Variants in WDR70 observed in about 807,000 individuals in gnomAD.
WDR70 encodes WD repeat domain 70, also known as WD repeat-containing protein 70.
In WDR70, 53 loss-of-function variants were observed where a neutral mutation model predicts 88.6. That is an observed-to-expected ratio of 0.60 (90% CI 0.48 to 0.75). WDR70 has a LOEUF of 0.75. Ranked by LOEUF, WDR70 falls within the 30% of genes least tolerant of loss-of-function variation. The pLI is 0.00. For synonymous variants in WDR70, 280 were observed against 270.0 expected, an observed-to-expected ratio of 1.04 and a Z score of -0.36; for missense variants, 610 against 823.2, an observed-to-expected ratio of 0.74 and a Z score of 3.17.
chr5:37,444,099 G>A (rs71619867), intron 7 of WDR70, among the ~76,000 whole-genome samples: 3 of 150,142 alleles, frequency 2.0e-5, no homozygotes, highest in East Asian at 4.0e-4. Context: ...CAGTGAGCCA[G>A]GATTGCGCCA....
Position 37,625,273 on chromosome 5 carries a change from A to G in WDR70, c.1092+20035A>G, listed in dbSNP as rs181617988. 4.6e-5 allele frequency among the ~76,000 whole-genome samples: 7 copies of G among 152,280 alleles called. No homozygotes were observed. The East Asian group carries it at 7.7e-4, about 17-fold the overall frequency. On this transcript the variant is annotated intron_variant, in intron 10 of 17. Coordinates refer to ENST00000265107, the MANE Select transcript of WDR70 (RefSeq NM_018034.4). ...TGAGGAACTGTTCTCCATAATGGCTATACAAATTTACGTTCCCACCAATAG... is the reference window on the plus strand; with the variant it reads ...TGAGGAACTGTTCTCCATAATGGCTGTACAAATTTACGTTCCCACCAATAG...
At chr5:37,623,838 T>G (rs1434747620) in intron 10 of WDR70, among the ~76,000 whole-genome samples, 2 of 152,184 alleles carry the variant, frequency 1.3e-5, no homozygotes, top group African/African-American at 2.4e-5. Flanking sequence ...CAATAAAGTA[T>G]ACATTTATTT....
At chr5:37,391,903 C>T in intron 3 of WDR70, 97 bp from the exon 4 acceptor site, 3 of 1,351,016 alleles carry the variant, frequency 2.2e-6, no homozygotes, top group Non-Finnish European at 3.0e-6. Context: ...TAAGTTATAT[C>T]TTTGTGACTA....
intron 9 of WDR70, among the ~76,000 whole-genome samples, chr5:37,592,147 G>A (rs1743547842): frequency 6.6e-6 from 1 of 152,132 alleles, no homozygotes. Context: ...TTGCATATAT[G>A]TAATGAGATG....
At chr5:37,465,658 G>GTT (rs59224939) in intron 7 of WDR70, among the ~76,000 whole-genome samples, 73 of 99,346 alleles carry the variant, frequency 7.3e-4, no homozygotes, top group African/African-American at 2.2e-3. Context: ...ATTGTCATGA[G>GTT]TTTTTTTTTT....
intron 8 of WDR70, among the ~76,000 whole-genome samples, chr5:37,491,269 A>T (rs1166466688): frequency 6.6e-6 from 1 of 152,024 alleles, no homozygotes; most frequent in Non-Finnish European, 1.5e-5. Flanking sequence ...GAATTCCAAC[A>T]TTCTCTCTTT....
chr5:37,752,056 C>T (rs1326256948), intron 17 of WDR70, among the ~76,000 whole-genome samples: 1 of 152,172 alleles, frequency 6.6e-6, no homozygotes, highest in Admixed American at 6.5e-5. Context: ...CATATTTACA[C>T]TACTGAAGCC....
At chr5:37,687,370 T>C (rs1475108763) in intron 10 of WDR70, among the ~76,000 whole-genome samples, 1 of 152,154 alleles carries the variant, frequency 6.6e-6, no homozygotes, top group East Asian at 1.9e-4. Context: ...ACAAAATGAA[T>C]TAATTTTGAG....
In WDR70 at chr5:37,437,918, T is replaced by G; in HGVS notation, c.493-4T>G. 10 of 1,605,356 alleles carry G rather than the reference T, an allele frequency of 6.2e-6. No homozygotes were observed. Among genetic ancestry groups the G allele is most frequent in the Non-Finnish European group, 8.5e-6 (10 of 1,175,508 alleles). Reference sequence around the variant, plus strand: ...ATTAATGTCATGGGGTTTTCTTGTTTCAGAATCCTGTTCACAAGATTCCTG... The same window carrying G: ...ATTAATGTCATGGGGTTTTCTTGTTGCAGAATCCTGTTCACAAGATTCCTG... On this transcript the variant is annotated splice_polypyrimidine_tract_variant and splice_region_variant and intron_variant, in intron 5 of 17. Coordinates refer to ENST00000265107, the MANE Select transcript of WDR70 (RefSeq NM_018034.4).
At chr5:37,636,137 G>C (rs1026094321) in intron 10 of WDR70, among the ~76,000 whole-genome samples, 1 of 152,164 alleles carries the variant, frequency 6.6e-6, no homozygotes, top group South Asian at 2.1e-4. Context: ...TATTAGTCAA[G>C]TTGGGATAAT....
intron 12 of WDR70, among the ~76,000 whole-genome samples, chr5:37,701,462 G>A (rs1467876310): frequency 6.6e-6 from 1 of 152,046 alleles, no homozygotes; most frequent in Non-Finnish European, 1.5e-5. Flanking sequence ...AAATGACAAG[G>A]TAGGCCTTTT....
At chr5:37,428,470 G>A (rs891495640) in intron 5 of WDR70, among the ~76,000 whole-genome samples, 1 of 152,126 alleles carries the variant, frequency 6.6e-6, no homozygotes, top group East Asian at 1.9e-4. Context: ...TCTGTTTTAT[G>A]TCACTATAGG....
intron 5 of WDR70, among the ~76,000 whole-genome samples, chr5:37,410,094 T>C (rs555630182): frequency 9.9e-4 from 151 of 151,948 alleles, no homozygotes; most frequent in Admixed American, 1.6e-3. Context: ...ATGCACAGGC[T>C]GGTCTAAAAC....
intron 3 of WDR70, among the ~76,000 whole-genome samples, chr5:37,388,354 G>A (rs1255874869): frequency 1.3e-5 from 2 of 150,612 alleles, no homozygotes; most frequent in Non-Finnish European, 2.9e-5. Flanking sequence ...CTGACCTCGT[G>A]ATCTGCCTGC....
chr5:37,634,105 C>G (rs1395343676), intron 10 of WDR70, among the ~76,000 whole-genome samples: 1 of 151,840 alleles, frequency 6.6e-6, no homozygotes, highest in Non-Finnish European at 1.5e-5. Context: ...GGAGACCATC[C>G]TGGCTAACAC....
chr5:37,628,524 A>G (rs1469640174), intron 10 of WDR70, among the ~76,000 whole-genome samples: 2 of 152,188 alleles, frequency 1.3e-5, no homozygotes, highest in African/African-American at 4.8e-5. Context: ...TGACATAAGC[A>G]TAGCTACTCC....
At chr5:37,714,193 C>T (rs1427824670) in intron 13 of WDR70, among the ~76,000 whole-genome samples, 1 of 152,198 alleles carries the variant, frequency 6.6e-6, no homozygotes, top group East Asian at 1.9e-4. Flanking sequence ...GTTTTACATA[C>T]TTAATGATTT....
At chr5:37,571,987 G>A (rs1305721523) in intron 9 of WDR70, among the ~76,000 whole-genome samples, 2 of 152,134 alleles carry the variant, frequency 1.3e-5, no homozygotes, top group Non-Finnish European at 2.9e-5. Flanking sequence ...GCAAGGACCT[G>A]CTGCAATAAG....
At chr5:37,396,614 C>G in intron 5 of WDR70, 44 bp downstream of exon 5, 1 of 1,540,370 alleles carries the variant, frequency 6.5e-7, no homozygotes, top group South Asian at 1.2e-5. Context: ...GGAGTAATAT[C>G]TTTACTGTAG....
Sources: gnomAD v4.1 joint callset for allele counts (sites outside exome capture counted in the v4.1 genomes callset) on GRCh38, gnomAD v4.1.1 for gene constraint, MANE v1.5 for transcripts, NCBI Gene and HGNC (gene_info 2026-07-23, HGNC 2026-07-21) for gene names.